The following PCDHGA6 variants were observed in gnomAD, a reference collection of about 807,000 sequenced individuals.
The protein encoded by PCDHGA6 is protocadherin gamma-A6.
Under a neutral mutation model 60.6 loss-of-function variants are expected in PCDHGA6, and 41 were observed. That is an observed-to-expected ratio of 0.68 (90% CI 0.53 to 0.88). The LOEUF is 0.88. PCDHGA6 is among the 40% of genes least tolerant of loss of function. The probability of loss-of-function intolerance (pLI) is 0.00; values close to 1 mark genes in which losing one functional copy is unlikely to be tolerated. For synonymous variants in PCDHGA6, 594 were observed against 524.4 expected, an observed-to-expected ratio of 1.13 and a Z score of -1.81; for missense variants, 1,312 against 1,203.0, an observed-to-expected ratio of 1.09 and a Z score of -1.34.
At chr5:141,438,997 C>T (rs2098080665) in intron 1 of PCDHGA6, among the ~76,000 whole-genome samples, 1 of 151,716 alleles carries the variant, frequency 6.6e-6, no homozygotes, top group Admixed American at 6.6e-5. Flanking sequence ...AGGCTAAGGA[C>T]CTGGTTTGTT....
At chr5:141,492,195 CTT>C (rs1240529719) in intron 1 of PCDHGA6, among the ~76,000 whole-genome samples, 1 of 152,242 alleles carries the variant, frequency 6.6e-6, no homozygotes, top group Non-Finnish European at 1.5e-5. Context: ...GTCTGCGGGA[CTT>C]AGGTGTGCGC....
rs115565444 is a variant in PCDHGA6, at chr5:141,487,520, G to A, written c.2425-7287G>A. On this transcript the variant is annotated intron_variant, in intron 1 of 3. Transcript: ENST00000517434. This position sits in a 1 kb window ranked among gnomAD's most constrained non-coding sequence, Gnocchi z 5.0. ...CTTGGCTTCTGCACCCACTCGGAGT[G>A]ATAGCTTCATGATGGTGAAGTCACC... is the stretch of plus-strand genomic sequence containing the variant. The A allele has an allele frequency of 3.3e-4, 540 of 1,614,166 alleles. 6 individuals carry two copies. The East Asian group carries it at 8.7e-3, about 26-fold the overall frequency.
At chr5:141,454,875 T>G (rs2098805612) in intron 1 of PCDHGA6, among the ~76,000 whole-genome samples, 1 of 144,402 alleles carries the variant, frequency 6.9e-6, no homozygotes, top group African/African-American at 2.6e-5. Context: ...TGGCACGATC[T>G]TGGCTCACTG....
At position 141,374,762 on chromosome 5, in the gene PCDHGA6, C is replaced by A. The variant is rs765014957; in HGVS notation, c.679C>A (p.Gln227Lys). 19 of 1,613,390 alleles carry A rather than the reference C, an allele frequency of 1.2e-5. No individual in the cohort carries two copies. Residue 227 changes from glutamine to lysine, a missense_variant, in exon 1 of 4, where the codon CAA (glutamine) becomes AAA (lysine). Coordinates refer to ENST00000517434, the MANE Select transcript of PCDHGA6 (RefSeq NM_018919.3). ...GGDPVRSSVA[Q>K]ILVTVLDVND... ...CGACCCTGTCCGCTCAAGCGTCGCC[C>A]AAATTCTGGTAACAGTTCTAGATGT...
rs2099692814 is a variant in PCDHGA6 at position 141,489,840 on chromosome 5, G to A, written c.2425-4967G>A. 6.2e-7 allele frequency: 1 copy of A among 1,614,190 alleles called. No individual in the cohort carries two copies. The highest frequency in any genetic ancestry group is 8.5e-7 in the Non-Finnish European group (1 of 1,179,990). On this transcript the variant is annotated intron_variant, in intron 1 of 3. Coordinates refer to ENST00000517434, the MANE Select transcript of PCDHGA6 (RefSeq NM_018919.3). The surrounding 1 kb of genome is among the most constrained non-coding windows in gnomAD (Gnocchi z 4.5). ...CAGAGCTGGTGCTAGAGCAGCAGCT[G>A]GATCGTGAAGCCCAGGCAAGACATC... is the stretch of plus-strand genomic sequence containing the variant.
intron 1 of PCDHGA6, among the ~76,000 whole-genome samples, chr5:141,387,402 T>C (rs953681527): frequency 6.6e-5 from 10 of 152,186 alleles, no homozygotes; most frequent in African/African-American, 2.4e-4. Context: ...TGTTTGAAGA[T>C]TGGGGAAAGC....
At chr5:141,420,108 A>G (rs780657975) in intron 1 of PCDHGA6, 1 of 1,614,030 alleles carries the variant, frequency 6.2e-7, no homozygotes, top group Non-Finnish European at 8.5e-7. Flanking sequence ...ACGTTGCCCT[A>G]TGCCTATAAT....
intron 1 of PCDHGA6, chr5:141,403,541 G>A (rs1332209242): frequency 6.2e-7 from 1 of 1,614,016 alleles, no homozygotes. Context: ...GCTGGTGCTG[G>A]AGCGCGCCCT....
intron 1 of PCDHGA6, among the ~76,000 whole-genome samples, chr5:141,483,340 C>T (rs906468552): frequency 5.9e-5 from 9 of 152,036 alleles, no homozygotes; most frequent in Non-Finnish European, 1.2e-4. Flanking sequence ...GATCTTATCT[C>T]TTTGCAATAG....
rs776120937 is a variant in PCDHGA6 at position 141,388,588 on chromosome 5, C to A, written c.2424+12081C>A. On this transcript the variant is annotated intron_variant, in intron 1 of 3. Transcript: ENST00000517434. ...CAGATACACGTTCTAGTGACTGATG[C>A]CAATGATAATGCTCCAGTGTTCAGT... The A allele has an allele frequency of 1.9e-6, 3 of 1,613,876 alleles. No individual in the cohort carries two copies. The South Asian group carries it at 3.3e-5, about 18-fold the overall frequency.
intron 1 of PCDHGA6, chr5:141,421,041 C>G (rs963777669): frequency 5.5e-6 from 3 of 546,514 alleles, no homozygotes; most frequent in Non-Finnish European, 9.5e-6. Context: ...TCCCTCCCTC[C>G]CCCGCCTCTA....
At position 141,491,423 on chromosome 5, in the gene PCDHGA6, G is replaced by C; in HGVS notation, c.2425-3384G>C. On this transcript the variant is annotated intron_variant, in intron 1 of 3. Transcript: ENST00000517434. The surrounding 1 kb of genome is among the most constrained non-coding windows in gnomAD (Gnocchi z 6.9). ...AACGCAGACGGGGACGGGGGTGGAG[G>C]GCAGTGCTGCAGGCGCCAGGACTCA... 1 of 1,614,126 alleles carries C rather than the reference G, an allele frequency of 6.2e-7. No individual in the cohort carries two copies. Among genetic ancestry groups the C allele is most frequent in the South Asian group, 1.1e-5 (1 of 91,090 alleles).
At chr5:141,403,789 C>G (rs1230029917) in intron 1 of PCDHGA6, 1 of 1,613,864 alleles carries the variant, frequency 6.2e-7, no homozygotes. Context: ...AAGTGGCATA[C>G]AAATTCTGGA....
At chr5:141,473,809 A>C (rs1230574978) in intron 1 of PCDHGA6, among the ~76,000 whole-genome samples, 2 of 152,242 alleles carry the variant, frequency 1.3e-5, no homozygotes, top group East Asian at 3.8e-4. Flanking sequence ...ACTGAGGAGC[A>C]GCTGGACAAT....
chr5:141,408,430 C>T, intron 1 of PCDHGA6: 2 of 1,614,012 alleles, frequency 1.2e-6, no homozygotes, highest in South Asian at 1.1e-5. Context: ...TGCACTTCAG[C>T]GTAGACGCGG....
chr5:141,448,788 A>C (rs865953914), intron 1 of PCDHGA6, among the ~76,000 whole-genome samples: 3 of 151,964 alleles, frequency 2.0e-5, no homozygotes, highest in South Asian at 2.1e-4. Flanking sequence ...AAAATACAAA[A>C]AAAAAAATTA....
intron 1 of PCDHGA6, among the ~76,000 whole-genome samples, chr5:141,424,944 A>G (rs958272371): frequency 2.6e-5 from 4 of 152,108 alleles, no homozygotes; most frequent in African/African-American, 9.7e-5. Context: ...CTCTCACATC[A>G]CTTCTAGGTA....
At chr5:141,497,713 T>C (rs1357797720) in intron 2 of PCDHGA6, among the ~76,000 whole-genome samples, 3 of 152,084 alleles carry the variant, frequency 2.0e-5, no homozygotes, top group Non-Finnish European at 1.5e-5. Context: ...CTCATTTTTG[T>C]ATTTTTAGTA....
At chr5:141,472,980 C>CAAAAAAAAAAAAAAAAAAA (rs60579131) in intron 1 of PCDHGA6, among the ~76,000 whole-genome samples, 6 of 86,104 alleles carry the variant, frequency 7.0e-5, no homozygotes, top group African/African-American at 1.2e-4. Context: ...GAGTGAAACT[C>CAAAAAAAAAAAAAAAAAAA]AAAAAAAAAA....
Sources: gnomAD v4.1 joint callset for allele counts (sites outside exome capture counted in the v4.1 genomes callset) on GRCh38, gnomAD v4.1.1 for gene constraint, Gnocchi (gnomAD v3.1) non-coding constraint, MANE v1.5 for transcripts, NCBI Gene and HGNC (gene_info 2026-07-23, HGNC 2026-07-21) for gene names.